The following TDRD7 variants were observed in gnomAD, a reference collection of about 807,000 sequenced individuals.
TDRD7 encodes the protein tudor domain-containing protein 7.
Under a neutral mutation model 109.8 loss-of-function variants are expected in TDRD7, and 47 were observed. The ratio of observed to expected loss-of-function variants is 0.43; its 90% CI spans 0.34 to 0.55. The LOEUF is 0.55. Ranked by LOEUF, TDRD7 falls within the 20% of genes least tolerant of loss-of-function variation. The probability of loss-of-function intolerance (pLI) is 0.03; values close to 1 mark genes in which losing one functional copy is unlikely to be tolerated. For missense variants in TDRD7, 1,164 were observed against 1,319.2 expected, an observed-to-expected ratio of 0.88 and a Z score of 1.82; for synonymous variants, 424 against 457.3, an observed-to-expected ratio of 0.93 and a Z score of 0.93.
intron 14 of TDRD7, among the ~76,000 whole-genome samples, chr9:97,481,774 G>GT (rs1031979099): frequency 1.7e-4 from 26 of 152,050 alleles, no homozygotes; most frequent in African/African-American, 5.8e-4. Flanking sequence ...CTCAATAAAA[G>GT]TACTTTTTGT....
rs1012172904 is a variant in TDRD7, at chr9:97,417,701, C to T, written c.-7+5463C>T. On this transcript the variant is annotated intron_variant, in intron 1 of 16. Transcript: ENST00000355295. ...TGCGGAACACAAGTAAAAGGAGGCT[C>T]AGGCATAATCTTCTGCAATCCCCTG... 2.0e-5 allele frequency among the ~76,000 whole-genome samples: 3 copies of T among 152,340 alleles called. No individual in the cohort carries two copies. In the East Asian group the frequency reaches 5.8e-4, roughly 29 times the overall value.
Position 97,472,373 on chromosome 9 carries a change from A to T in TDRD7, c.1822A>T (p.Ile608Leu). 6.2e-7 allele frequency: 1 copy of T among 1,614,004 alleles called. No homozygotes were observed. Among genetic ancestry groups the T allele is most frequent in the Non-Finnish European group, 8.5e-7 (1 of 1,179,908 alleles). The stretch of plus-strand genomic sequence containing the variant: ...TTGTGGAAAGATCTTTGCAGTGGAA[A>T]TACTTGACAAAGCTGACATTCCACT... The part of the protein sequence containing the change: ...LTCGKIFAVE[I>L]LDKADIPLVV... The change falls in exon 10 of 17, where the codon ATA (isoleucine) becomes TTA (leucine). Residue 608 changes from isoleucine (I) to leucine (L), a missense_variant. Physicochemically the swap from Ile to Leu is conservative, Grantham distance 5 (BLOSUM62 2). Transcript: ENST00000355295.
chr9:97,428,908 A>G (rs906594004), intron 2 of TDRD7, among the ~76,000 whole-genome samples: 2 of 152,234 alleles, frequency 1.3e-5, no homozygotes, highest in Non-Finnish European at 2.9e-5. Context: ...AAAATTAAAA[A>G]TATTTACCCA....
chr9:97,478,385 C>G (rs550778676), intron 12 of TDRD7, 54 bp from the exon 13 acceptor site: 2 of 1,607,126 alleles, frequency 1.2e-6, no homozygotes, highest in Non-Finnish European at 8.5e-7. Context: ...TGCACAGAAG[C>G]ATTTTGGTCT....
Position 97,441,836 on chromosome 9 carries a change from A to G in TDRD7, c.816A>G (p.Gly272=), listed in dbSNP as rs1564199677. The G allele has an allele frequency of 6.2e-7, 1 of 1,613,850 alleles. No homozygotes were observed. The highest frequency in any genetic ancestry group is 8.5e-7 in the Non-Finnish European group (1 of 1,179,830). The part of the protein sequence containing the change: ...KELYKEDLNQ[G]ILQQFEHWPH... ...TATATAAAGAAGACCTTAATCAAGG[A>G]ATTTTACAACAGTTTGAACACTGGC... is the stretch of plus-strand genomic sequence containing the variant. Residue 272 remains glycine, a synonymous_variant, in exon 6 of 17, where the codon GGA becomes GGG. Coordinates refer to ENST00000355295, the MANE Select transcript of TDRD7 (RefSeq NM_014290.3).
Position 97,451,355 on chromosome 9 carries a change from T to C in TDRD7, c.856-8823T>C, listed in dbSNP as rs139243091. 1.6e-4 allele frequency among the ~76,000 whole-genome samples: 25 copies of C among 152,300 alleles called. 1 individual carries two copies. In the East Asian group the frequency reaches 4.6e-3, roughly 28 times the overall value. ...CTTAGGCTGGAGTGCAGTGCCACCA[T>C]CATAACTCACTGCAGCCTGGACATC... On this transcript the variant is annotated intron_variant, in intron 6 of 16. Transcript: ENST00000355295.
At chr9:97,467,290 C>T (rs1429227333) in intron 8 of TDRD7, among the ~76,000 whole-genome samples, 2 of 152,212 alleles carry the variant, frequency 1.3e-5, no homozygotes, top group Admixed American at 6.5e-5. Context: ...ATAAATAATG[C>T]AGCTATTCCA....
chr9:97,494,052 A>C (rs1343937761), intron 16 of TDRD7, among the ~76,000 whole-genome samples: 1 of 152,194 alleles, frequency 6.6e-6, no homozygotes, highest in Non-Finnish European at 1.5e-5. Context: ...TCATCTTACA[A>C]AGATGATGGG....
intron 10 of TDRD7, 68 bp downstream of exon 10, chr9:97,472,563 T>C (rs1828940280): frequency 7.8e-7 from 1 of 1,279,340 alleles, no homozygotes; most frequent in Non-Finnish European, 1.1e-6. Context: ...CAGAATATTA[T>C]ACATTTTAGG....
Position 97,435,493 on chromosome 9 carries a change from G to C in TDRD7, c.563+3255G>C, listed in dbSNP as rs1188964706. 3.3e-5 allele frequency among the ~76,000 whole-genome samples: 5 copies of C among 151,484 alleles called. No homozygotes were observed. The East Asian group carries it at 9.7e-4, about 29-fold the overall frequency. Reference sequence around the variant, plus strand: ...AAAAAAAAAAAAAAAAAAATTACCTGGACATGGTGGTGTGCACCTGTAGTC... The same window carrying C: ...AAAAAAAAAAAAAAAAAAATTACCTCGACATGGTGGTGTGCACCTGTAGTC... On this transcript the variant is annotated intron_variant, in intron 4 of 16. Coordinates refer to ENST00000355295, the MANE Select transcript of TDRD7 (RefSeq NM_014290.3).
intron 6 of TDRD7, among the ~76,000 whole-genome samples, chr9:97,458,096 C>T (rs1587877523): frequency 6.6e-6 from 1 of 152,164 alleles, no homozygotes. Context: ...CCTGCACATT[C>T]TGCACATGTA....
At chr9:97,430,823 C>A in intron 2 of TDRD7, 110 bp from the exon 3 acceptor site, 3 of 1,294,402 alleles carry the variant, frequency 2.3e-6, no homozygotes, top group Non-Finnish European at 3.3e-6. Flanking sequence ...ATTTGCATAC[C>A]ACTTGACTTG....
intron 6 of TDRD7, among the ~76,000 whole-genome samples, chr9:97,457,254 T>C (rs1828632795): frequency 6.6e-6 from 1 of 152,096 alleles, no homozygotes; most frequent in Non-Finnish European, 1.5e-5. Flanking sequence ...TGGAAGACAG[T>C]ATGGCGACAA....
chr9:97,471,524 A>G (rs1390764902), intron 9 of TDRD7, among the ~76,000 whole-genome samples: 1 of 152,206 alleles, frequency 6.6e-6, no homozygotes, highest in Non-Finnish European at 1.5e-5. Flanking sequence ...TGTTTGAGAA[A>G]AGTTCAAAGT....
chr9:97,453,553 C>T (rs186780728), intron 6 of TDRD7, among the ~76,000 whole-genome samples: 12 of 151,082 alleles, frequency 7.9e-5, no homozygotes, highest in African/African-American at 2.2e-4. Context: ...GTACGGCAGC[C>T]CACCTGAGAG....
chr9:97,414,208 CA>C (rs1281433847), intron 1 of TDRD7, among the ~76,000 whole-genome samples: 1 of 152,194 alleles, frequency 6.6e-6, no homozygotes, highest in Non-Finnish European at 1.5e-5. Flanking sequence ...TCATTCTTGT[CA>C]TTATTTCCCT....
chr9:97,450,861 G>A (rs1046376698), intron 6 of TDRD7, among the ~76,000 whole-genome samples: 2 of 151,472 alleles, frequency 1.3e-5, no homozygotes, highest in African/African-American at 4.9e-5. Context: ...CCATTCTCTG[G>A]CATACAATTC....
In TDRD7 at chr9:97,418,999, A is replaced by T. The variant is rs138773043; in HGVS notation, c.-7+6761A>T. The stretch of plus-strand genomic sequence containing the variant: ...TTCTTACTGAAACTCTGGCAGGGGA[A>T]TATAAAGTAGTCTGGCCAGGGAGGA... On this transcript the variant is annotated intron_variant, in intron 1 of 16. Coordinates refer to ENST00000355295, the MANE Select transcript of TDRD7 (RefSeq NM_014290.3). 2.6e-5 allele frequency among the ~76,000 whole-genome samples: 4 copies of T among 152,306 alleles called. No individual in the cohort carries two copies. In the East Asian group the frequency reaches 7.7e-4, roughly 29 times the overall value.
At chr9:97,477,369 T>G (rs980311441) in intron 12 of TDRD7, among the ~76,000 whole-genome samples, 8 of 152,224 alleles carry the variant, frequency 5.3e-5, no homozygotes, top group Non-Finnish European at 7.4e-5. Context: ...TTGTCATGTC[T>G]TCTTAGTATA....
Sources: gnomAD v4.1 joint callset for allele counts (sites outside exome capture counted in the v4.1 genomes callset) on GRCh38, gnomAD v4.1.1 for gene constraint, MANE v1.5 for transcripts, NCBI Gene and HGNC (gene_info 2026-07-23, HGNC 2026-07-21) for gene names.